WNT2B: variants seen among roughly 807,000 people sequenced by gnomAD.
WNT2B encodes the protein protein Wnt-2b.
Under a neutral mutation model 40.5 loss-of-function variants are expected in WNT2B, and 19 were observed. That is an observed-to-expected ratio of 0.47 (90% confidence interval 0.33 to 0.69). WNT2B has a LOEUF of 0.69. Among genes scored for constraint, WNT2B ranks in the 30% least tolerant of loss-of-function variants. The probability of loss-of-function intolerance (pLI) is 0.02; values close to 1 mark genes in which losing one functional copy is unlikely to be tolerated. For synonymous variants in WNT2B, 220 were observed against 211.9 expected, an observed-to-expected ratio of 1.04 and a Z score of -0.33; for missense variants, 467 against 556.4, an observed-to-expected ratio of 0.84 and a Z score of 1.62.
At chr1:112,479,707 T>G (rs1651163856) in intron 1 of WNT2B, among the ~76,000 whole-genome samples, 1 of 151,940 alleles carries the variant, frequency 6.6e-6, no homozygotes, top group Non-Finnish European at 1.5e-5. Context: ...GTTAAGTTTT[T>G]TTGTTGTTGT....
chr1:112,498,995 G>A (rs1056789139), intron 1 of WNT2B, among the ~76,000 whole-genome samples: 1 of 152,068 alleles, frequency 6.6e-6, no homozygotes, highest in Non-Finnish European at 1.5e-5. Context: ...ATCACGAGGT[G>A]AAGAGTTTGA....
At chr1:112,490,443 A>G (rs754415162) in intron 1 of WNT2B, among the ~76,000 whole-genome samples, 5 of 152,082 alleles carry the variant, frequency 3.3e-5, no homozygotes, top group African/African-American at 7.2e-5. Context: ...GGGCTCAAAG[A>G]GAGAGAGATA....
In WNT2B at chr1:112,472,726, G is replaced by A. The variant is rs149885127; in HGVS notation, c.-95+5135G>A. Among the ~76,000 whole-genome samples the A allele has an allele frequency of 7.9e-5, 12 of 152,198 alleles. No individual in the cohort carries two copies. In the East Asian group the frequency reaches 2.1e-3, roughly 27 times the overall value. On this transcript the variant is annotated intron_variant, in intron 1 of 4. Transcript: ENST00000256640. ...AATTACAAAGAAGTAGAAAAATATG[G>A]CAAATAATTAGAAGAAAACTCAATC... is the stretch of plus-strand genomic sequence containing the variant.
intron 1 of WNT2B, among the ~76,000 whole-genome samples, chr1:112,495,430 CA>C (rs796075579): frequency 1.3e-4 from 20 of 150,298 alleles, no homozygotes; most frequent in Non-Finnish European, 1.6e-4. Flanking sequence ...ACAAAAAAAA[CA>C]AAAAAAAATT....
intron 1 of WNT2B, among the ~76,000 whole-genome samples, chr1:112,493,118 A>G (rs1035335303): frequency 6.6e-6 from 1 of 152,242 alleles, no homozygotes; most frequent in Non-Finnish European, 1.5e-5. Flanking sequence ...AACTGTGATC[A>G]ATATGTTAAG....
chr1:112,495,239 T>A (rs1651723918), intron 1 of WNT2B, among the ~76,000 whole-genome samples: 1 of 150,870 alleles, frequency 6.6e-6, no homozygotes, highest in Admixed American at 6.6e-5. Context: ...AGGTACAAAG[T>A]ATAAAAGCAA....
intron 1 of WNT2B, among the ~76,000 whole-genome samples, chr1:112,474,415 T>G (rs1650994287): frequency 6.6e-6 from 1 of 152,210 alleles, no homozygotes; most frequent in Non-Finnish European, 1.5e-5. Context: ...CCCAAAGGGC[T>G]GGGATTACAG....
rs1652590510 is a variant in WNT2B at position 112,517,123 on chromosome 1, T to C, written c.684T>C (p.Ala228=). Residue 228 remains alanine (A), a splice_region_variant and synonymous_variant, in exon 4 of 5, where the codon GCT becomes GCC. Transcript: ENST00000369684. Reference sequence around the variant, plus strand: ...TAACTGCCTTCCCCCTCCCCCAGGCTGTGCGGCGGTTTCTGAAGCTGGAGT... The same window carrying C: ...TAACTGCCTTCCCCCTCCCCCAGGCCGTGCGGCGGTTTCTGAAGCTGGAGT... ...NLHNNRCGRT[A]VRRFLKLECK... The C allele has an allele frequency of 1.2e-6, 2 of 1,609,724 alleles. No individual in the cohort carries two copies. The highest frequency in any genetic ancestry group is 1.7e-6 in the Non-Finnish European group (2 of 1,176,474).
intron 1 of WNT2B, among the ~76,000 whole-genome samples, chr1:112,512,566 A>T (rs575986568): frequency 1.3e-5 from 2 of 152,304 alleles, no homozygotes; most frequent in African/African-American, 2.4e-5. Context: ...AGGTGAAGAG[A>T]AGCATTCTGG....
intron 1 of WNT2B, among the ~76,000 whole-genome samples, chr1:112,489,063 T>G (rs760690195): frequency 5.3e-5 from 8 of 152,104 alleles, no homozygotes; most frequent in Non-Finnish European, 1.0e-4. Flanking sequence ...AGGTCAGGTA[T>G]GAAGATGTTT....
intron 1 of WNT2B, among the ~76,000 whole-genome samples, chr1:112,496,880 T>G (rs1346471840): frequency 6.6e-6 from 1 of 152,220 alleles, no homozygotes; most frequent in African/African-American, 2.4e-5. Flanking sequence ...ATTACAGGCG[T>G]GAGCCACTGT....
At chr1:112,518,877 G>T (rs1437996394) in intron 4 of WNT2B, among the ~76,000 whole-genome samples, 3 of 152,246 alleles carry the variant, frequency 2.0e-5, no homozygotes, top group Admixed American at 6.5e-5. Flanking sequence ...TGTGATGATA[G>T]AAATGTTTTC....
At chr1:112,467,481 C>CA (rs1650740931) in exon 1 of WNT2B, 2 of 765,590 alleles carry the variant, frequency 2.6e-6, no homozygotes, top group Non-Finnish European at 4.9e-6. Context: ...ATCTTAACTG[C>CA]AATCTGTTAA....
At chr1:112,517,464 TC>T in intron 4 of WNT2B, 79 bp downstream of exon 4, 3 of 1,501,210 alleles carry the variant, frequency 2.0e-6, no homozygotes, top group Non-Finnish European at 2.7e-6. Flanking sequence ...GTCTGTTCAG[TC>T]TCAGGAGTTA....
intron 1 of WNT2B, among the ~76,000 whole-genome samples, chr1:112,512,097 C>T (rs1487987919): frequency 6.6e-6 from 1 of 152,082 alleles, no homozygotes; most frequent in Non-Finnish European, 1.5e-5. Context: ...AAAGCAGATC[C>T]CTGGCCCGTT....
At chr1:112,500,175 A>G (rs116604648) in intron 1 of WNT2B, among the ~76,000 whole-genome samples, 1,549 of 152,310 alleles carry the variant, frequency 0.01, 26 homozygotes, top group African/African-American at 0.035. Flanking sequence ...CTAAGCTGTT[A>G]TTTGTTCATG....
At chr1:112,508,636 C>G, upstream of WNT2B, 6 of 901,460 alleles carry the variant, frequency 6.7e-6, no homozygotes, top group Non-Finnish European at 8.0e-6. This position sits in a 1 kb window ranked among gnomAD's most constrained non-coding sequence, Gnocchi z 4.2. Flanking sequence ...CCCGCATCCC[C>G]TTCCCGCTCC....
chr1:112,513,918 A>G (rs1273330708), intron 1 of WNT2B, among the ~76,000 whole-genome samples: 2 of 152,148 alleles, frequency 1.3e-5, no homozygotes, highest in Non-Finnish European at 2.9e-5. Flanking sequence ...CCTCTTGGGG[A>G]AGAAGGGTGA....
intron 1 of WNT2B, among the ~76,000 whole-genome samples, chr1:112,493,966 A>G (rs1651687134): frequency 6.6e-6 from 1 of 152,036 alleles, no homozygotes; most frequent in Non-Finnish European, 1.5e-5. Flanking sequence ...ATATTGAAAG[A>G]AGCCAGCGAT....
Sources: gnomAD v4.1 joint callset for allele counts (sites outside exome capture counted in the v4.1 genomes callset) on GRCh38, gnomAD v4.1.1 for gene constraint, Gnocchi (gnomAD v3.1) non-coding constraint, MANE v1.5 for transcripts, NCBI Gene and HGNC (gene_info 2026-07-23, HGNC 2026-07-21) for gene names.